PPP4R3B: variants seen among roughly 807,000 people sequenced by gnomAD.
The protein encoded by PPP4R3B is protein phosphatase 4 regulatory subunit 3B, also known as serine/threonine-protein phosphatase 4 regulatory subunit 3B.
In PPP4R3B, 52 loss-of-function variants were observed where a neutral mutation model predicts 95.4. That is an observed-to-expected ratio of 0.54 (90% CI 0.44 to 0.69). PPP4R3B has a LOEUF of 0.69. Among genes scored for constraint, PPP4R3B ranks in the 30% least tolerant of loss-of-function variants. The probability of loss-of-function intolerance (pLI) is 0.00; values close to 1 mark genes in which losing one functional copy is unlikely to be tolerated. For synonymous variants in PPP4R3B, 407 were observed against 343.9 expected (o/e 1.18, Z -2.03); for missense variants, 1,003 against 1,005.9 (o/e 1.00, Z 0.04).
chr2:55,562,546 G>C (rs138458041), intron 15 of PPP4R3B, among the ~76,000 whole-genome samples: 1 of 152,260 alleles, frequency 6.6e-6, no homozygotes, highest in East Asian at 1.9e-4. Context: ...TAAGGTTCTC[G>C]AAGCCTTTCA....
intron 11 of PPP4R3B, among the ~76,000 whole-genome samples, chr2:55,576,655 T>C (rs1688715953): frequency 6.6e-6 from 1 of 152,040 alleles, no homozygotes; most frequent in African/African-American, 2.4e-5. Flanking sequence ...TGAGCCGAGA[T>C]TGTGCCACTG....
At chr2:55,587,136 A>G (rs1690252273) in intron 5 of PPP4R3B, among the ~76,000 whole-genome samples, 1 of 152,254 alleles carries the variant, frequency 6.6e-6, no homozygotes, top group Admixed American at 6.5e-5. Context: ...ATATTTGGCT[A>G]TAAAAGGCAA....
rs556436201 is a variant in PPP4R3B, at chr2:55,573,710, G to A, written c.1674C>T (p.His558=). ...LELLTFCVEH[H]TYHIKNYIMN... ...TAATATAGTTTTTTATGTGATATGT[G>A]TGATGTTCCACACAAAATGTGAGTA... The change falls in exon 12 of 17, where the codon CAC becomes CAT. Residue 558 remains histidine (H), a synonymous_variant. Transcript: ENST00000616407. The A allele has an allele frequency of 4.0e-4, 611 of 1,545,740 alleles. No homozygotes were observed. The highest frequency in any genetic ancestry group is 5.2e-4 in the Non-Finnish European group (594 of 1,145,242).
chr2:55,593,713 C>T (rs115125310), intron 4 of PPP4R3B, among the ~76,000 whole-genome samples: 1 of 152,066 alleles, frequency 6.6e-6, no homozygotes, highest in African/African-American at 2.4e-5. Flanking sequence ...ACAGTTTAGG[C>T]AACATAGCAA....
chr2:55,605,115 G>A (rs1693204404), intron 2 of PPP4R3B, among the ~76,000 whole-genome samples: 1 of 151,534 alleles, frequency 6.6e-6, no homozygotes, highest in Non-Finnish European at 1.5e-5. Flanking sequence ...GGGATTACAG[G>A]TGTGAGCCAC....
intron 5 of PPP4R3B, among the ~76,000 whole-genome samples, chr2:55,588,387 C>T (rs916712972): frequency 1.3e-5 from 2 of 151,912 alleles, no homozygotes; most frequent in African/African-American, 4.8e-5. Flanking sequence ...GCAGCGCATG[C>T]CTGTAATCCC....
chr2:55,581,785 T>C, intron 7 of PPP4R3B, 87 bp from the exon 8 acceptor site: 1 of 1,423,320 alleles, frequency 7.0e-7, no homozygotes, highest in Admixed American at 2.3e-5. Context: ...AAGAGCAAAG[T>C]GAGAATTATA....
At chr2:55,595,182 C>G (rs918749678) in intron 4 of PPP4R3B, among the ~76,000 whole-genome samples, 2 of 151,966 alleles carry the variant, frequency 1.3e-5, no homozygotes, top group Non-Finnish European at 2.9e-5. Context: ...TGCCACTGTG[C>G]CTGGCTAATT....
intron 4 of PPP4R3B, 109 bp downstream of exon 4, chr2:55,598,307 T>G (rs1272768764): frequency 8.5e-6 from 10 of 1,171,040 alleles, no homozygotes; most frequent in Non-Finnish European, 1.2e-5. Context: ...AATAGTACAT[T>G]TAAACAAAAT....
chr2:55,596,270 AT>A (rs1410266093), intron 4 of PPP4R3B, among the ~76,000 whole-genome samples: 1 of 152,242 alleles, frequency 6.6e-6, no homozygotes, highest in African/African-American at 2.4e-5. Flanking sequence ...AAAATAAAAT[AT>A]AAAAACTGTT....
At chr2:55,596,091 C>T (rs1691739242) in intron 4 of PPP4R3B, among the ~76,000 whole-genome samples, 1 of 152,056 alleles carries the variant, frequency 6.6e-6, no homozygotes, top group East Asian at 1.9e-4. Flanking sequence ...TAGCAAATAG[C>T]CACATACTCG....
At chr2:55,600,660 G>A (rs1345650063) in intron 3 of PPP4R3B, among the ~76,000 whole-genome samples, 2 of 152,064 alleles carry the variant, frequency 1.3e-5, no homozygotes, top group Non-Finnish European at 2.9e-5. Flanking sequence ...GTAGAGTGCT[G>A]CGTTGTACAG....
chr2:55,587,555 G>C (rs971205926), intron 5 of PPP4R3B, among the ~76,000 whole-genome samples: 1 of 152,220 alleles, frequency 6.6e-6, no homozygotes, highest in African/African-American at 2.4e-5. Flanking sequence ...CTGCACTCCA[G>C]TCTGGGCAAC....
chr2:55,586,534 C>T, intron 6 of PPP4R3B, 84 bp downstream of exon 6: 2 of 714,612 alleles, frequency 2.8e-6, no homozygotes, highest in East Asian at 2.6e-5. Flanking sequence ...ATTGAATATA[C>T]ATTATTATAT....
intron 16 of PPP4R3B, among the ~76,000 whole-genome samples, chr2:55,555,496 T>G (rs1685736693): frequency 6.6e-6 from 1 of 151,774 alleles, no homozygotes; most frequent in African/African-American, 2.4e-5. Flanking sequence ...GGTGAATCAC[T>G]TAAGATCAGG....
intron 16 of PPP4R3B, among the ~76,000 whole-genome samples, 160 bp from the exon 17 acceptor site, chr2:55,550,166 G>A (rs1470884228): frequency 6.6e-6 from 1 of 152,032 alleles, no homozygotes; most frequent in Non-Finnish European, 1.5e-5. Flanking sequence ...AATTATGAAC[G>A]TTTGAGTAGT....
chr2:55,617,359 C>T lies in PPP4R3B; in HGVS notation c.-74G>A. The T allele has an allele frequency of 3.5e-6, 5 of 1,423,114 alleles. No individual in the cohort carries two copies. The highest frequency in any genetic ancestry group is 3.7e-6 in the Non-Finnish European group (4 of 1,079,636). The allele number at this position is 1,423,114 out of a possible 1,614,324, so 88.2% of individuals were successfully genotyped here. A position where few individuals can be genotyped will look rare whatever the true frequency, so the allele number is the denominator to read the frequency against. ...GTCCGCGCTCCTCACTCTTAGGAGA[C>T]GGTAAAGGCAGTAGTGGCGGTGGCG... is the stretch of plus-strand genomic sequence containing the variant. On this transcript the variant is annotated 5_prime_UTR_variant, in exon 1 of 17. Coordinates refer to ENST00000616407, the MANE Select transcript of PPP4R3B (RefSeq NM_001122964.3).
chr2:55,585,752 G>T (rs566765329), intron 6 of PPP4R3B, among the ~76,000 whole-genome samples: 2 of 152,148 alleles, frequency 1.3e-5, no homozygotes, highest in Non-Finnish European at 2.9e-5. Context: ...AAACCTTGAG[G>T]TGATTCTGAA....
Position 55,558,797 on chromosome 2 carries a change from G to A in PPP4R3B, c.2432C>T (p.Pro811Leu), listed in dbSNP as rs763801246. 1 of 1,611,168 alleles carries A rather than the reference G, an allele frequency of 6.2e-7. No individual in the cohort carries two copies. The highest frequency in any genetic ancestry group is 1.7e-5 in the Admixed American group (1 of 59,860). ...TACCTTGGTGGCTGTTACTGACGTA[G>A]GCAAGTTTGTGGTTTTGGAAGAGGA... ...NGSSSKTTNL[P>L]TSVTATKGSL... Residue 811 changes from proline to leucine, a missense_variant, in exon 16 of 17, where the codon CCT becomes CTT. This residue lies in a region of PPP4R3B where 229 missense variants were observed against 194.7 expected (regional missense o/e 1.18). Transcript: ENST00000616407.
Sources: gnomAD v4.1 joint callset for allele counts (sites outside exome capture counted in the v4.1 genomes callset) on GRCh38, gnomAD v4.1.1 for gene constraint, gnomAD v4.1.1 regional missense constraint, MANE v1.5 for transcripts, NCBI Gene and HGNC (gene_info 2026-07-23, HGNC 2026-07-21) for gene names.